The following EPHA3 variants were observed in gnomAD, a reference collection of about 807,000 sequenced individuals.
The protein encoded by EPHA3 is ephrin type-A receptor 3.
A neutral mutation model predicts 107.1 loss-of-function variants in EPHA3; 42 were observed. The ratio of observed to expected loss-of-function variants is 0.39; its 90% confidence interval spans 0.31 to 0.51. The LOEUF is 0.51. EPHA3 is among the 20% of genes least tolerant of loss of function. EPHA3 has a pLI of 0.78. For synonymous variants in EPHA3, 461 were observed against 424.8 expected (o/e 1.09, Z -1.05); for missense variants, 1,183 against 1,211.2 (o/e 0.98, Z 0.35).
chr3:89,203,473 A>G (rs1231801731), intron 2 of EPHA3, among the ~76,000 whole-genome samples: 2 of 151,926 alleles, frequency 1.3e-5, no homozygotes, highest in African/African-American at 4.8e-5. Flanking sequence ...CAGCTGGGAG[A>G]AAAATAACTT....
At chr3:89,431,447 A>T in intron 13 of EPHA3, 88 bp downstream of exon 13, 1 of 1,095,954 alleles carries the variant, frequency 9.1e-7, no homozygotes, top group East Asian at 2.5e-5. Context: ...CATGACCCAA[A>T]ACGTGTTGTC....
intron 2 of EPHA3, among the ~76,000 whole-genome samples, chr3:89,193,064 TG>T (rs1468110752): frequency 6.6e-6 from 1 of 152,118 alleles, no homozygotes; most frequent in East Asian, 1.9e-4. Flanking sequence ...AAAATTTATC[TG>T]GATAGTAAAT....
intron 3 of EPHA3, among the ~76,000 whole-genome samples, chr3:89,276,097 A>C (rs531312326): frequency 5.3e-5 from 8 of 152,204 alleles, no homozygotes; most frequent in African/African-American, 1.9e-4. Context: ...GCATTTTTAA[A>C]ATAGATGCTC....
chr3:89,176,743 C>G (rs966343144), intron 2 of EPHA3, among the ~76,000 whole-genome samples: 2 of 152,016 alleles, frequency 1.3e-5, no homozygotes, highest in African/African-American at 4.8e-5. Flanking sequence ...ATACATACAT[C>G]ATAAAATCCT....
At chr3:89,173,011 AT>A (rs1282633952) in intron 2 of EPHA3, among the ~76,000 whole-genome samples, 1 of 152,142 alleles carries the variant, frequency 6.6e-6, no homozygotes, top group African/African-American at 2.4e-5. Context: ...AAAAGTTAAT[AT>A]TTTTAATATT....
intron 3 of EPHA3, among the ~76,000 whole-genome samples, chr3:89,322,168 T>A (rs545679293): frequency 6.6e-6 from 1 of 152,030 alleles, no homozygotes; most frequent in African/African-American, 2.4e-5. Flanking sequence ...TATATACTTA[T>A]CGCATTCAAG....
chr3:89,141,626 A>G (rs1173398960), intron 2 of EPHA3, among the ~76,000 whole-genome samples: 1 of 151,644 alleles, frequency 6.6e-6, no homozygotes, highest in African/African-American at 2.4e-5. Context: ...AATGTCCTAC[A>G]TTAATACTAA....
chr3:89,170,922 T>C (rs1421923723), intron 2 of EPHA3, among the ~76,000 whole-genome samples: 4 of 143,096 alleles, frequency 2.8e-5, no homozygotes, highest in African/African-American at 1.0e-4. Context: ...GAAGAGCATA[T>C]GCTAACTCTT....
intron 11 of EPHA3, among the ~76,000 whole-genome samples, chr3:89,424,675 C>CTT (rs1381796883): frequency 6.6e-6 from 1 of 150,990 alleles, no homozygotes; most frequent in African/African-American, 2.4e-5. Context: ...TAAAAGAAAG[C>CTT]TTGGAAAGGA....
At chr3:89,246,132 A>G (rs1377705901) in intron 3 of EPHA3, among the ~76,000 whole-genome samples, 2 of 152,314 alleles carry the variant, frequency 1.3e-5, no homozygotes, top group African/African-American at 2.4e-5. Context: ...TATATTTCAC[A>G]TATGATATGT....
At chr3:89,202,232 C>T (rs1259438155) in intron 2 of EPHA3, among the ~76,000 whole-genome samples, 5 of 151,942 alleles carry the variant, frequency 3.3e-5, no homozygotes, top group Non-Finnish European at 7.4e-5. Context: ...TGGTGTCTCA[C>T]GCTTGTAATC....
chr3:89,222,032 G>C (rs1397654336), intron 3 of EPHA3, among the ~76,000 whole-genome samples: 1 of 151,934 alleles, frequency 6.6e-6, no homozygotes, highest in African/African-American at 2.4e-5. Flanking sequence ...TTTTCACAGG[G>C]CATCTCTGGC....
At chr3:89,278,485 C>T (rs569466986) in intron 3 of EPHA3, among the ~76,000 whole-genome samples, 1 of 152,212 alleles carries the variant, frequency 6.6e-6, no homozygotes, top group South Asian at 2.1e-4. Flanking sequence ...CTAAACAATC[C>T]AGTGTTTCAT....
chr3:89,338,702 C>T (rs1707449300), intron 3 of EPHA3, among the ~76,000 whole-genome samples: 1 of 152,216 alleles, frequency 6.6e-6, no homozygotes, highest in African/African-American at 2.4e-5. Flanking sequence ...GCGCCCACCA[C>T]TGTGCCCGGC....
chr3:89,327,804 C>A (rs549309793), intron 3 of EPHA3, among the ~76,000 whole-genome samples: 2 of 151,808 alleles, frequency 1.3e-5, no homozygotes, highest in South Asian at 2.1e-4. Flanking sequence ...CATAGTAGGG[C>A]GTTATATCTG....
At chr3:89,478,468 C>G (rs918977243) in intron 16 of EPHA3, among the ~76,000 whole-genome samples, 14 of 152,266 alleles carry the variant, frequency 9.2e-5, no homozygotes, top group African/African-American at 3.1e-4. Flanking sequence ...ATGGACTGAT[C>G]TGGTGTGGAG....
chr3:89,398,190 G>A (rs928932010), intron 6 of EPHA3, among the ~76,000 whole-genome samples: 5 of 152,046 alleles, frequency 3.3e-5, no homozygotes, highest in Non-Finnish European at 4.4e-5. Context: ...ATTCAATCTC[G>A]TTTTGGTTGA....
chr3:89,111,067 T>C (rs1428398895), intron 1 of EPHA3, among the ~76,000 whole-genome samples: 1 of 151,988 alleles, frequency 6.6e-6, no homozygotes, highest in Non-Finnish European at 1.5e-5. Context: ...CATATTTATA[T>C]ACTACTTTTT....
intron 15 of EPHA3, among the ~76,000 whole-genome samples, chr3:89,454,407 G>C (rs1710057526): frequency 6.6e-6 from 1 of 151,988 alleles, no homozygotes; most frequent in African/African-American, 2.4e-5. Flanking sequence ...AGCAACTCTT[G>C]GTACCTCTTT....
Sources: allele counts gnomAD v4.1 joint callset (sites outside exome capture counted in the v4.1 genomes callset), GRCh38; gene constraint gnomAD v4.1.1; transcripts MANE v1.5; gene names NCBI Gene and HGNC (gene_info 2026-07-23, HGNC 2026-07-21).